Variants in APC2 observed in about 807,000 individuals in gnomAD.
The protein encoded by APC2 is APC regulator of Wnt signaling pathway 2.
Under a neutral mutation model 72.5 loss-of-function variants are expected in APC2, and 41 were observed. The ratio of observed to expected loss-of-function variants is 0.57; its 90% CI spans 0.44 to 0.73. The LOEUF is 0.73. Among genes scored for constraint, APC2 ranks in the 30% least tolerant of loss-of-function variants. The pLI, the probability that APC2 is intolerant of heterozygous loss-of-function variation, is 0.00. For synonymous variants in APC2, 1,898 were observed against 1,612.0 expected, an observed-to-expected ratio of 1.18 and a Z score of -4.25; for missense variants, 3,729 against 3,403.4, an observed-to-expected ratio of 1.10 and a Z score of -2.38.
chr19:1,468,570 G>A lies in APC2; in HGVS notation c.5269G>A (p.Ala1757Thr), dbSNP rs1599163117. The change falls in exon 15 of 15, where the codon GCC becomes ACC. Residue 1757 changes from alanine to threonine, a missense_variant. Physicochemically the swap from Ala to Thr is moderately conservative, Grantham distance 58 (BLOSUM62 0). Transcript: ENST00000590469. Reference sequence around the variant, plus strand: ...CCGGCGGCCAGAGAAAAGGGGCGCAGCCTCAGTCAAGACCAGCGGGAGCCC... The same window carrying A: ...CCGGCGGCCAGAGAAAAGGGGCGCAACCTCAGTCAAGACCAGCGGGAGCCC... ...SARRPEKRGA[A>T]SVKTSGSPRS... is the part of the protein sequence containing the mutation. 6.3e-7 allele frequency: 1 copy of A among 1,598,666 alleles called. No individual in the cohort carries two copies. The highest frequency in any genetic ancestry group is 1.3e-5 in the African/African-American group (1 of 74,584).
intron 10 of APC2, among the ~76,000 whole-genome samples, chr19:1,459,395 C>T (rs915797247): frequency 1.3e-5 from 2 of 152,232 alleles, no homozygotes; most frequent in African/African-American, 4.8e-5. Flanking sequence ...CCTTCTGAGG[C>T]TGCGTGACAT....
intron 13 of APC2, chr19:1,461,634 C>CCT: frequency 5.5e-5 from 19 of 344,392 alleles, no homozygotes; most frequent in Admixed American, 1.8e-4. Flanking sequence ...GGGCGGATCA[C>CCT]AAGGTCAGGA....
chr19:1,470,167 C>T lies in APC2; in HGVS notation c.6866C>T (p.Ala2289Val). The T allele has an allele frequency of 6.2e-7, 1 of 1,603,158 alleles. No homozygotes were observed. Among genetic ancestry groups the T allele is most frequent in the Non-Finnish European group, 8.5e-7 (1 of 1,176,780 alleles). The change falls in exon 15 of 15, where the codon GCC becomes GTC. Residue 2289 changes from alanine (A) to valine (V), a missense_variant. Ala to Val is a moderately conservative substitution (Grantham distance 64, BLOSUM62 0). Transcript: ENST00000590469. ...GTGGTCGCAGCCACCACCGACTCGGCCGCGGAGAAAGCCCCGGCCACTGCC... is the reference window on the plus strand; with the variant it reads ...GTGGTCGCAGCCACCACCGACTCGGTCGCGGAGAAAGCCCCGGCCACTGCC... ...PMVVAATTDS[A>V]AEKAPATASA...
At chr19:1,456,191 T>G in intron 7 of APC2, 38 bp downstream of exon 7, 1 of 1,559,976 alleles carries the variant, frequency 6.4e-7, no homozygotes, top group Non-Finnish European at 8.7e-7. Context: ...AGGGGTGGTG[T>G]CGGCCCAGGC....
At chr19:1,457,909 G>A in intron 9 of APC2, 56 bp from the exon 10 acceptor site, 13 of 1,260,748 alleles carry the variant, frequency 1.0e-5, no homozygotes, top group Non-Finnish European at 1.4e-5. Flanking sequence ...ACCTTCGGGA[G>A]TCACCTGGGA....
In APC2 at chr19:1,456,938, C is replaced by T. The variant is rs749213638; in HGVS notation, c.902C>T (p.Ser301Leu). 7 of 1,556,202 alleles carry T rather than the reference C, an allele frequency of 4.5e-6. No individual in the cohort carries two copies. In the South Asian group the frequency reaches 5.8e-5, roughly 13 times the overall value. ...TARTLLAMSS[S>L]PESCVAMRRS... The stretch of plus-strand genomic sequence containing the variant: ...CGCACGCTGCTGGCCATGTCCAGCT[C>T]GCCCGAGAGCTGCGTGGCCATGCGC... The change falls in exon 9 of 15, where the codon TCG becomes TTG. Residue 301 changes from serine (S) to leucine (L), a missense_variant. Ser to Leu is a moderately radical substitution (Grantham distance 145). Coordinates refer to ENST00000590469, the MANE Select transcript of APC2 (RefSeq NM_005883.3).
chr19:1,465,628 G>A lies in APC2; in HGVS notation c.2327G>A (p.Gly776Asp). ...GLAQDYASDSGCFDDDDAPSS... is the reference protein window; with the variant it reads ...GLAQDYASDSDCFDDDDAPSS... Reference sequence around the variant, plus strand: ...GCCCAAGACTATGCTTCCGATTCGGGCTGCTTTGACGACGACGATGCACCG... The same window carrying A: ...GCCCAAGACTATGCTTCCGATTCGGACTGCTTTGACGACGACGATGCACCG... The change falls in exon 15 of 15, where the codon GGC (glycine) becomes GAC (aspartate). Residue 776 changes from glycine to aspartate, a missense_variant. Coordinates refer to ENST00000590469, the MANE Select transcript of APC2 (RefSeq NM_005883.3). The A allele has an allele frequency of 6.2e-7, 1 of 1,603,034 alleles. No individual in the cohort carries two copies. Among genetic ancestry groups the A allele is most frequent in the Non-Finnish European group, 8.5e-7 (1 of 1,175,810 alleles).
In APC2 at chr19:1,470,294, G is replaced by A. The variant is rs2084113234; in HGVS notation, c.*81G>A. The A allele has an allele frequency of 4.9e-6, 7 of 1,439,864 alleles. No homozygotes were observed. In the East Asian group the frequency reaches 1.3e-4, roughly 27 times the overall value. The allele number at this position is 1,439,864 out of a possible 1,614,324, so 89.2% of individuals were successfully genotyped here. On this transcript the variant is annotated 3_prime_UTR_variant, in exon 15 of 15. Transcript: ENST00000590469. ...TGCCCCATGGGCCTGCGCTGTAGACGTCCCCCATAGGTCGCCCCAGGGCCT... is the reference window on the plus strand; with the variant it reads ...TGCCCCATGGGCCTGCGCTGTAGACATCCCCCATAGGTCGCCCCAGGGCCT...
chr19:1,466,808 C>G lies in APC2; in HGVS notation c.3507C>G (p.Gly1169=). Residue 1169 remains glycine, a synonymous_variant, in exon 15 of 15, where the codon GGC becomes GGG. Coordinates refer to ENST00000590469, the MANE Select transcript of APC2 (RefSeq NM_005883.3). The part of the protein sequence containing the change: ...LSRCSSVSSL[G]SFESPSIASS... ...GCTGCAGCTCTGTGAGCTCGCTGGG[C>G]AGCTTCGAGAGCCCGTCCATCGCCA... The G allele has an allele frequency of 6.4e-7, 1 of 1,552,076 alleles. No homozygotes were observed. The highest frequency in any genetic ancestry group is 8.7e-7 in the Non-Finnish European group (1 of 1,148,948).
In APC2 at chr19:1,453,262, C is replaced by A. The variant is rs1284713805; in HGVS notation, c.157C>A (p.Leu53Ile). The change falls in exon 3 of 15, where the codon CTA (leucine) becomes ATA (isoleucine). Residue 53 changes from leucine (L) to isoleucine (I), a missense_variant. Leu to Ile is a conservative substitution (Grantham distance 5). Transcript: ENST00000590469. The part of the protein sequence containing the change: ...TSGMKEVLKH[L>I]QGKLEQEARV... ...GCCCCTGCAGGAGGTCCTGAAGCAC[C>A]TACAGGGAAAACTGGAGCAGGAGGC... The A allele has an allele frequency of 1.3e-6, 2 of 1,566,874 alleles. No individual in the cohort carries two copies. The highest frequency in any genetic ancestry group is 1.7e-6 in the Non-Finnish European group (2 of 1,155,752).
chr19:1,460,066 A>C, intron 10 of APC2, 115 bp from the exon 11 acceptor site: 1 of 1,397,246 alleles, frequency 7.2e-7, no homozygotes, highest in Non-Finnish European at 9.8e-7. Context: ...TGGAAGGGGA[A>C]CTTGAGGGCA....
chr19:1,468,071 G>A lies in APC2; in HGVS notation c.4770G>A (p.Glu1590=). The A allele has an allele frequency of 6.4e-7, 1 of 1,560,242 alleles. No homozygotes were observed. The highest frequency in any genetic ancestry group is 8.6e-7 in the Non-Finnish European group (1 of 1,162,882). ...CCGCCAGCTCCCTCAGCGAGCCCGAGCCCTCGGAGCCGCCGGCCGTCCATC... is the reference window on the plus strand; with the variant it reads ...CCGCCAGCTCCCTCAGCGAGCCCGAACCCTCGGAGCCGCCGGCCGTCCATC... The part of the protein sequence containing the change: ...SSSASSLSEP[E]PSEPPAVHPR... The change falls in exon 15 of 15, where the codon GAG becomes GAA. Residue 1590 remains glutamate (E), a synonymous_variant. Transcript: ENST00000590469.
chr19:1,467,005 G>C lies in APC2; in HGVS notation c.3704G>C (p.Ser1235Thr), dbSNP rs1174293697. 6.2e-7 allele frequency: 1 copy of C among 1,609,776 alleles called. No individual in the cohort carries two copies. The highest frequency in any genetic ancestry group is 1.7e-5 in the Admixed American group (1 of 59,678). The change falls in exon 15 of 15, where the codon AGC (serine) becomes ACC (threonine). Residue 1235 changes from serine (S) to threonine (T), a missense_variant. By Grantham distance (58) the Ser-to-Thr change is moderately conservative (BLOSUM62 1). Coordinates refer to ENST00000590469, the MANE Select transcript of APC2 (RefSeq NM_005883.3). ...EATQFSLQWE[S>T]YVKRFLDIAD... ...ACCCAGTTCAGCCTGCAGTGGGAGAGCTACGTGAAGCGCTTCCTGGACATC... is the reference window on the plus strand; with the variant it reads ...ACCCAGTTCAGCCTGCAGTGGGAGACCTACGTGAAGCGCTTCCTGGACATC...
rs115286386 is a variant in APC2, at chr19:1,451,171, G to A, written c.-19+833G>A. 1,343 of 153,454 alleles carry A rather than the reference G, an allele frequency of 8.8e-3. 20 individuals are homozygous for A. The highest frequency in any genetic ancestry group is 0.03 in the African/African-American group (1,251 of 41,578). The allele number at this position is 153,454 out of a possible 1,614,324, so 9.5% of individuals were successfully genotyped here. ...GGGAGGCATGATCCCGCTGGGCAGA[G>A]CTTGGAGGGACTAGCTTAGTCTGAT... is the stretch of plus-strand genomic sequence containing the variant. On this transcript the variant is annotated intron_variant, in intron 1 of 14. Transcript: ENST00000590469.
In APC2 at chr19:1,465,671, C is replaced by A; in HGVS notation, c.2370C>A (p.Ala790=). 2 of 1,597,154 alleles carry A rather than the reference C, an allele frequency of 1.3e-6. No individual in the cohort carries two copies. The highest frequency in any genetic ancestry group is 1.7e-6 in the Non-Finnish European group (2 of 1,173,522). Reference sequence around the variant, plus strand: ...ATGCACCGTCATCCCTGGCTGCGGCCGCGGCCACCGGGGAGCCAGCCAGCC... The same window carrying A: ...ATGCACCGTCATCCCTGGCTGCGGCAGCGGCCACCGGGGAGCCAGCCAGCC... ...DDDAPSSLAA[A]AATGEPASPA... Residue 790 remains alanine, a synonymous_variant, in exon 15 of 15, where the codon GCC becomes GCA. Transcript: ENST00000590469.
In APC2 at chr19:1,453,496, C is replaced by G. The variant is rs1311858210; in HGVS notation, c.298C>G (p.Pro100Ala). The G allele has an allele frequency of 1.9e-6, 3 of 1,606,078 alleles. No individual in the cohort carries two copies. The African/African-American group carries it at 4.0e-5, about 21-fold the overall frequency. ...KFQPPTLGPE[P>A]AARTPEGSPV... ...CCAGCCGCCCACCCTGGGCCCGGAG[C>G]CTGCCGCCCGGACCCCCGAGGGCAG... The change falls in exon 4 of 15, where the codon CCT (proline) becomes GCT (alanine). Residue 100 changes from proline to alanine, a missense_variant. By Grantham distance (27) the Pro-to-Ala change is conservative. Transcript: ENST00000590469.
chr19:1,456,820 A>G (rs12974962), intron 8 of APC2, 33 bp from the exon 9 acceptor site: 54,966 of 1,577,296 alleles, frequency 0.035, 1,125 homozygotes, highest in Non-Finnish European at 0.038. Flanking sequence ...GGGGCAGGTG[A>G]GGGACCCCAC....
Position 1,452,750 on chromosome 19 carries a change from C to A in APC2, c.-18-234C>A, listed in dbSNP as rs939396845. 2 of 538,814 alleles carry A rather than the reference C, an allele frequency of 3.7e-6. No individual in the cohort carries two copies. The highest frequency in any genetic ancestry group is 3.1e-5 in the East Asian group (1 of 32,394). 33.4% of individuals were successfully genotyped at this position (538,814 alleles called of 1,614,324 possible). A position where few individuals can be genotyped will look rare whatever the true frequency, so the allele number is the denominator to read the frequency against. ...CTGTCTGTACGTCTGTCTGCTGGCC[C>A]CTCTGTCTCCCCTTGGGGCCACCTC... On this transcript the variant is annotated intron_variant, in intron 1 of 14. Coordinates refer to ENST00000590469, the MANE Select transcript of APC2 (RefSeq NM_005883.3). The surrounding 1 kb of genome is among the most constrained non-coding windows in gnomAD (Gnocchi z 5.1).
rs1193697270 is a variant in APC2 at position 1,455,280 on chromosome 19, G to T, written c.522+23G>T. ...ACGGTGAGCCGGCCGGGGAGCCAGG[G>T]GGCAGCGCGCCCGCCCCACTCAGGG... On this transcript the variant is annotated intron_variant, in intron 5 of 14. Coordinates refer to ENST00000590469, the MANE Select transcript of APC2 (RefSeq NM_005883.3). 5.1e-6 allele frequency: 8 copies of T among 1,566,774 alleles called. No individual in the cohort carries two copies. The South Asian group carries it at 8.1e-5, about 16-fold the overall frequency.
Sources: gnomAD v4.1 joint callset for allele counts (sites outside exome capture counted in the v4.1 genomes callset) on GRCh38, gnomAD v4.1.1 for gene constraint, Gnocchi (gnomAD v3.1) non-coding constraint, MANE v1.5 for transcripts, NCBI Gene and HGNC (gene_info 2026-07-23, HGNC 2026-07-21) for gene names.